The following ADGRG7 variants were observed in gnomAD, a reference collection of about 807,000 sequenced individuals.
The protein encoded by ADGRG7 is adhesion G protein-coupled receptor G7, also known as G-protein coupled receptor 128.
A neutral mutation model predicts 88.6 loss-of-function variants in ADGRG7; 82 were observed. That is an observed-to-expected ratio of 0.93 (90% confidence interval 0.77 to 1.11). The LOEUF (loss-of-function observed/expected upper bound fraction) is 1.11. Among genes scored for constraint, ADGRG7 ranks in the 50% most tolerant of loss-of-function variants. ADGRG7 has a pLI of 0.00. For synonymous variants in ADGRG7, 381 were observed against 345.2 expected (o/e 1.10, Z -1.15); for missense variants, 945 against 953.4 (o/e 0.99, Z 0.12).
At chr3:100,686,774 T>C (rs534984990) in intron 15 of ADGRG7, among the ~76,000 whole-genome samples, 88 of 152,388 alleles carry the variant, frequency 5.8e-4, no homozygotes, top group South Asian at 1.0e-3. Flanking sequence ...TTTTGATTAC[T>C]GTAGCCTTGT....
At chr3:100,630,581 G>A in intron 2 of ADGRG7, 124 bp from the exon 3 acceptor site, 1 of 401,220 alleles carries the variant, frequency 2.5e-6, no homozygotes, top group Non-Finnish European at 4.3e-6. Context: ...ACAGGCCAGT[G>A]GGTTCTATAA....
chr3:100,674,659 C>T (rs1469885428), intron 15 of ADGRG7, among the ~76,000 whole-genome samples: 2 of 151,550 alleles, frequency 1.3e-5, no homozygotes, highest in African/African-American at 4.9e-5. Flanking sequence ...CTCACTGCAA[C>T]CTCCACCTCC....
intron 1 of ADGRG7, among the ~76,000 whole-genome samples, chr3:100,620,433 C>G (rs1559669900): frequency 6.6e-6 from 1 of 152,126 alleles, no homozygotes; most frequent in Non-Finnish European, 1.5e-5. Context: ...TTATCTATGA[C>G]AAACCCACAG....
At chr3:100,683,416 G>C (rs548823003) in intron 15 of ADGRG7, among the ~76,000 whole-genome samples, 1 of 152,320 alleles carries the variant, frequency 6.6e-6, no homozygotes, top group South Asian at 2.1e-4. Context: ...GTGTCACCAA[G>C]CTTCTGGGTG....
At chr3:100,669,156 T>A (rs546740820) in intron 15 of ADGRG7, 51 bp downstream of exon 15, 1 of 1,362,262 alleles carries the variant, frequency 7.3e-7, no homozygotes, top group Non-Finnish European at 9.7e-7. Context: ...GGTGGAGATA[T>A]CATCTTGATA....
intron 4 of ADGRG7, 188 bp from the exon 5 acceptor site, chr3:100,635,489 C>T (rs1707523501): frequency 1.5e-6 from 2 of 1,319,446 alleles, no homozygotes; most frequent in East Asian, 2.8e-5. Flanking sequence ...GAAAGGCTGG[C>T]AAAACCACTG....
chr3:100,653,573 T>C (rs966476674), intron 11 of ADGRG7, among the ~76,000 whole-genome samples: 3 of 152,236 alleles, frequency 2.0e-5, no homozygotes, highest in Non-Finnish European at 2.9e-5. Flanking sequence ...CCTCATGTTA[T>C]ATTAAAAAAA....
At chr3:100,671,981 A>G (rs1256136753) in intron 15 of ADGRG7, among the ~76,000 whole-genome samples, 1 of 152,196 alleles carries the variant, frequency 6.6e-6, no homozygotes, top group African/African-American at 2.4e-5. Context: ...GTTTGAAGTC[A>G]GGTAGCGTGA....
intron 1 of ADGRG7, among the ~76,000 whole-genome samples, chr3:100,621,654 A>G (rs1707312918): frequency 6.6e-6 from 1 of 152,238 alleles, no homozygotes; most frequent in South Asian, 2.1e-4. Context: ...TCCATAACAT[A>G]AAAGTGCAAA....
chr3:100,649,675 A>C lies in ADGRG7; in HGVS notation c.1267-20A>C. 7.6e-7 allele frequency: 1 copy of C among 1,318,096 alleles called. No individual in the cohort carries two copies. The highest frequency in any genetic ancestry group is 1.8e-4 in the Middle Eastern group (1 of 5,440). The allele number at this position is 1,318,096 out of a possible 1,614,324, so 81.7% of individuals were successfully genotyped here. A position where few individuals can be genotyped will look rare whatever the true frequency, so the allele number is the denominator to read the frequency against. ...TCAGGGATGACTAATTAAAAATATG[A>C]GTCTTACCTTGTTTTTCAGACTTTC... On this transcript the variant is annotated intron_variant, in intron 10 of 15. Coordinates refer to ENST00000273352, the MANE Select transcript of ADGRG7 (RefSeq NM_032787.3).
chr3:100,681,811 AGCACTCGCAC>A (rs2094973850), intron 15 of ADGRG7, among the ~76,000 whole-genome samples: 1 of 152,310 alleles, frequency 6.6e-6, no homozygotes, highest in East Asian at 1.9e-4. Context: ...TCTCCCTTAA[AGCACTCGCAC>A]CCTACCAGGA....
intron 6 of ADGRG7, among the ~76,000 whole-genome samples, chr3:100,641,564 A>G (rs1707642361): frequency 6.6e-6 from 1 of 152,252 alleles, no homozygotes; most frequent in African/African-American, 2.4e-5. Context: ...ACAATGAGGA[A>G]GAGAGTTAAT....
intron 11 of ADGRG7, among the ~76,000 whole-genome samples, chr3:100,650,251 C>A (rs2094927024): frequency 6.6e-6 from 1 of 152,110 alleles, no homozygotes; most frequent in Admixed American, 6.6e-5. Flanking sequence ...GTTTTTGAAT[C>A]CCATACATTA....
chr3:100,693,287 G>C (rs2094996846), intron 15 of ADGRG7, among the ~76,000 whole-genome samples: 2 of 152,084 alleles, frequency 1.3e-5, no homozygotes, highest in Admixed American at 1.3e-4. Flanking sequence ...AAAAAAGATG[G>C]TTTTCTAGAG....
chr3:100,615,197 T>C (rs1287099673), intron 1 of ADGRG7, among the ~76,000 whole-genome samples: 1 of 152,226 alleles, frequency 6.6e-6, no homozygotes, highest in East Asian at 1.9e-4. Flanking sequence ...TCAGCCTTTA[T>C]GTAGAATGAG....
At position 100,660,406 on chromosome 3, in the gene ADGRG7, G is replaced by T. The variant is rs552441266; in HGVS notation, c.1979+563G>T. ...TGCAGCCTCGACTTCCTGGACTCAA[G>T]TTATCCTCTCCCCTCAGCCTCCAGA... On this transcript the variant is annotated intron_variant, in intron 14 of 15. Transcript: ENST00000273352. Among the ~76,000 whole-genome samples, 7 of 152,276 alleles carry T rather than the reference G, an allele frequency of 4.6e-5. No homozygotes were observed. In the South Asian group the frequency reaches 1.2e-3, roughly 27 times the overall value.
At chr3:100,686,857 G>A (rs4928079) in intron 15 of ADGRG7, among the ~76,000 whole-genome samples, 48,488 of 151,604 alleles carry the variant, frequency 0.32, 8,110 homozygotes, top group East Asian at 0.53. Context: ...TTGGCGATGC[G>A]GGCTCTTTTT....
chr3:100,670,111 T>C (rs556797704), intron 15 of ADGRG7, among the ~76,000 whole-genome samples: 2 of 152,286 alleles, frequency 1.3e-5, no homozygotes, highest in Non-Finnish European at 2.9e-5. Flanking sequence ...TCATTCTAAC[T>C]ATATTTTTGT....
intron 15 of ADGRG7, among the ~76,000 whole-genome samples, chr3:100,683,337 G>A (rs900652420): frequency 1.3e-5 from 2 of 152,136 alleles, no homozygotes; most frequent in African/African-American, 4.8e-5. Context: ...GTGGCTCTTC[G>A]GGGAGCCCAG....
Sources: gnomAD v4.1 joint callset for allele counts (sites outside exome capture counted in the v4.1 genomes callset) on GRCh38, gnomAD v4.1.1 for gene constraint, MANE v1.5 for transcripts, NCBI Gene and HGNC (gene_info 2026-07-23, HGNC 2026-07-21) for gene names.